ADAMTS16: variants seen among roughly 807,000 people sequenced by gnomAD.
ADAMTS16 encodes ADAM metallopeptidase with thrombospondin type 1 motif 16.
ADAMTS16 carries 94 observed loss-of-function variants against 145.8 expected under a neutral mutation model. The ratio of observed to expected loss-of-function variants is 0.64; its 90% confidence interval spans 0.55 to 0.77. ADAMTS16 has a LOEUF of 0.77. Among genes scored for constraint, ADAMTS16 ranks in the 30% least tolerant of loss-of-function variants. ADAMTS16 has a pLI of 0.00. For synonymous variants in ADAMTS16, 659 were observed against 604.3 expected, an observed-to-expected ratio of 1.09 and a Z score of -1.33; for missense variants, 1,585 against 1,591.5, an observed-to-expected ratio of 1.00 and a Z score of 0.07.
At position 5,274,737 on chromosome 5, in the gene ADAMTS16, G is replaced by GATAT. The variant is rs34377817; in HGVS notation, c.2789+11964_2789+11967dup. Reference sequence around the variant, plus strand: ...ATGCATACACACACATGCACACACAGATATATATATATACACATATATGTA... The same window carrying GATAT: ...ATGCATACACACACATGCACACACAGATATATATATATATATACACATATATGTA... On this transcript the variant is annotated intron_variant, in intron 18 of 22. Transcript: ENST00000274181. 1.0e-3 allele frequency among the ~76,000 whole-genome samples: 150 copies of GATAT among 145,466 alleles called. No individual in the cohort carries two copies. The South Asian group carries it at 0.013, about 12-fold the overall frequency.
intron 17 of ADAMTS16, among the ~76,000 whole-genome samples, chr5:5,259,311 C>T (rs571523434): frequency 7.2e-5 from 11 of 152,338 alleles, no homozygotes; most frequent in South Asian, 4.1e-4. Context: ...ACCACTCAGG[C>T]TTCTGCAGAT....
At chr5:5,203,622 T>C (rs1736014007) in intron 9 of ADAMTS16, among the ~76,000 whole-genome samples, 1 of 152,234 alleles carries the variant, frequency 6.6e-6, no homozygotes, top group Non-Finnish European at 1.5e-5. Flanking sequence ...AATAAAGTCA[T>C]GTGTCATTTT....
intron 17 of ADAMTS16, among the ~76,000 whole-genome samples, chr5:5,253,830 T>C (rs1052072826): frequency 2.0e-5 from 3 of 152,192 alleles, no homozygotes; most frequent in Non-Finnish European, 4.4e-5. Flanking sequence ...GAAACTTCTT[T>C]CCTCTGGACT....
chr5:5,189,777 A>C (rs1735605764), intron 6 of ADAMTS16, among the ~76,000 whole-genome samples, 194 bp from the exon 7 acceptor site: 1 of 152,374 alleles, frequency 6.6e-6, no homozygotes, highest in Non-Finnish European at 1.5e-5. Context: ...AACCAGAGAA[A>C]CGTGCCTAAG....
chr5:5,172,123 T>G (rs1348442961), intron 3 of ADAMTS16, among the ~76,000 whole-genome samples: 1 of 152,086 alleles, frequency 6.6e-6, no homozygotes, highest in Non-Finnish European at 1.5e-5. Context: ...CTAATCTTAT[T>G]TATTTGGGTC....
intron 18 of ADAMTS16, among the ~76,000 whole-genome samples, chr5:5,265,763 G>A (rs1388998650): frequency 2.0e-5 from 3 of 152,190 alleles, no homozygotes; most frequent in African/African-American, 7.2e-5. Context: ...TCCCCGGACA[G>A]TGGGGTCTGC....
intron 6 of ADAMTS16, among the ~76,000 whole-genome samples, chr5:5,188,450 G>A (rs1271713450): frequency 6.6e-6 from 1 of 152,130 alleles, no homozygotes; most frequent in East Asian, 1.9e-4. Flanking sequence ...CAGAAAGGAT[G>A]GACATGAACA....
intron 3 of ADAMTS16, among the ~76,000 whole-genome samples, chr5:5,161,086 T>G (rs1579279989): frequency 6.6e-6 from 1 of 152,248 alleles, no homozygotes; most frequent in East Asian, 1.9e-4. Context: ...TATATTTTTG[T>G]ATGCACATGG....
At chr5:5,235,871 A>G (rs896937141) in intron 13 of ADAMTS16, among the ~76,000 whole-genome samples, 1 of 152,246 alleles carries the variant, frequency 6.6e-6, no homozygotes, top group Non-Finnish European at 1.5e-5. Context: ...GGGACGTCCC[A>G]TCTGACATTC....
intron 3 of ADAMTS16, among the ~76,000 whole-genome samples, chr5:5,181,627 C>T (rs754977647): frequency 1.3e-5 from 2 of 152,174 alleles, no homozygotes; most frequent in East Asian, 1.9e-4. Flanking sequence ...TTGCACATTA[C>T]CCTATTAGGA....
intron 3 of ADAMTS16, among the ~76,000 whole-genome samples, chr5:5,181,542 G>GC (rs1223406822): frequency 6.6e-6 from 1 of 152,084 alleles, no homozygotes; most frequent in Non-Finnish European, 1.5e-5. Flanking sequence ...CTTTCCTCTA[G>GC]ATTAATTTTG....
chr5:5,306,777 TG>T, intron 21 of ADAMTS16, 49 bp downstream of exon 21: 1 of 1,501,270 alleles, frequency 6.7e-7, no homozygotes, highest in Non-Finnish European at 9.0e-7. Flanking sequence ...CAGCTTGGCC[TG>T]GGGTTGGCCG....
intron 18 of ADAMTS16, among the ~76,000 whole-genome samples, chr5:5,289,251 G>A (rs1739213218): frequency 6.6e-6 from 1 of 152,186 alleles, no homozygotes; most frequent in Admixed American, 6.5e-5. Context: ...GTCCTCCAGG[G>A]GCACTGATTC....
At chr5:5,205,451 A>C (rs189929267) in intron 9 of ADAMTS16, among the ~76,000 whole-genome samples, 65 of 152,312 alleles carry the variant, frequency 4.3e-4, no homozygotes, top group African/African-American at 1.5e-3. Flanking sequence ...GTCAACATTC[A>C]TTTTATCCAT....
intron 18 of ADAMTS16, 27 bp from the exon 19 acceptor site, chr5:5,303,241 C>T: frequency 1.3e-6 from 2 of 1,515,148 alleles, no homozygotes; most frequent in Non-Finnish European, 1.8e-6. Context: ...AGCCATCCCT[C>T]ACCGAGGTCT....
At chr5:5,187,285 A>T (rs1735529997) in intron 5 of ADAMTS16, among the ~76,000 whole-genome samples, 2 of 151,834 alleles carry the variant, frequency 1.3e-5, no homozygotes, top group Admixed American at 1.3e-4. Context: ...CTCTGATATC[A>T]CCTCTAATTG....
In ADAMTS16 at chr5:5,213,645, G is replaced by A. The variant is rs143253151; in HGVS notation, c.1605+4399G>A. ...TCGCTTTCAGTTTTCTCTGGGCCCT[G>A]TGGTGTAGCCGGTACTCTCGTGTGT... On this transcript the variant is annotated intron_variant, in intron 10 of 22. Coordinates refer to ENST00000274181, the MANE Select transcript of ADAMTS16 (RefSeq NM_139056.4). Among the ~76,000 whole-genome samples the A allele has an allele frequency of 4.7e-3, 713 of 152,260 alleles. 6 individuals are homozygous for A. Among genetic ancestry groups the A allele is most frequent in the African/African-American group, 0.016 (684 of 41,524 alleles).
chr5:5,186,711 T>A (rs1466608444), intron 5 of ADAMTS16, among the ~76,000 whole-genome samples: 1 of 152,232 alleles, frequency 6.6e-6, no homozygotes, highest in African/African-American at 2.4e-5. Context: ...GTGCAACCTT[T>A]TAGAATATCA....
chr5:5,305,810 G>T (rs186207076), intron 20 of ADAMTS16, among the ~76,000 whole-genome samples: 175 of 152,306 alleles, frequency 1.1e-3, no homozygotes, highest in African/African-American at 4.0e-3. Context: ...GCAACGCCAG[G>T]GGCCGGGACC....
Sources: gnomAD v4.1 joint callset for allele counts (sites outside exome capture counted in the v4.1 genomes callset) on GRCh38, gnomAD v4.1.1 for gene constraint, MANE v1.5 for transcripts, NCBI Gene and HGNC (gene_info 2026-07-23, HGNC 2026-07-21) for gene names.